SLC38A1: variants seen among roughly 807,000 people sequenced by gnomAD.
SLC38A1 encodes the protein solute carrier family 38 member 1.
Under a neutral mutation model 60.3 loss-of-function variants are expected in SLC38A1, and 18 were observed. That is an observed-to-expected ratio of 0.30 (90% CI 0.21 to 0.44). The LOEUF is 0.44. Ranked by LOEUF, SLC38A1 falls within the 20% of genes least tolerant of loss-of-function variation. The probability of loss-of-function intolerance (pLI) is 1.00; values close to 1 mark genes in which losing one functional copy is unlikely to be tolerated. For missense variants in SLC38A1, 448 were observed against 587.2 expected (o/e 0.76, Z 2.45); for synonymous variants, 196 against 212.1 (o/e 0.92, Z 0.66).
intron 2 of SLC38A1, among the ~76,000 whole-genome samples, chr12:46,241,158 T>TA (rs1041713352): frequency 2.2e-4 from 33 of 152,176 alleles, no homozygotes; most frequent in East Asian, 1.7e-3. Context: ...TGGTTTTTTT[T>TA]AAAAAAAATG....
intron 1 of SLC38A1, among the ~76,000 whole-genome samples, chr12:46,260,980 A>G (rs1488589937): frequency 6.6e-6 from 1 of 152,188 alleles, no homozygotes; most frequent in African/African-American, 2.4e-5. Flanking sequence ...TCTAATCTCT[A>G]GAACCTCAGA....
intron 5 of SLC38A1, among the ~76,000 whole-genome samples, chr12:46,214,887 T>G (rs1295273129): frequency 6.6e-6 from 1 of 152,196 alleles, no homozygotes; most frequent in East Asian, 1.9e-4. Flanking sequence ...GGGGCTGCCT[T>G]GCAGCTGAGT....
chr12:46,213,282 G>A (rs544200699), intron 5 of SLC38A1, among the ~76,000 whole-genome samples: 18 of 152,204 alleles, frequency 1.2e-4, no homozygotes, highest in Non-Finnish European at 1.6e-4. Flanking sequence ...AGCTTCTGGT[G>A]TGAATGCTAC....
chr12:46,188,747 G>GAA lies in SLC38A1; in HGVS notation c.*221_*222dup. On this transcript the variant is annotated 3_prime_UTR_variant, in exon 17 of 17. Coordinates refer to ENST00000398637, the MANE Select transcript of SLC38A1 (RefSeq NM_030674.4). The stretch of plus-strand genomic sequence containing the variant: ...TGGGAAATATGATTGTATGAAATTT[G>GAA]AAAAAAAAATTTCACAATCCCTAAA... 1 of 404,694 alleles carries GAA rather than the reference G, an allele frequency of 2.5e-6. No homozygotes were observed. Among genetic ancestry groups the GAA allele is most frequent in the Non-Finnish European group, 4.5e-6 (1 of 223,390 alleles). The allele number at this position is 404,694 out of a possible 1,614,324, so 25.1% of individuals were successfully genotyped here.
At chr12:46,255,857 A>C (rs1489027997) in intron 1 of SLC38A1, among the ~76,000 whole-genome samples, 1 of 152,092 alleles carries the variant, frequency 6.6e-6, no homozygotes, top group Admixed American at 6.6e-5. Context: ...AAGTAGGTAA[A>C]CTGAACAATT....
chr12:46,227,017 A>T (rs1940892921), intron 5 of SLC38A1, among the ~76,000 whole-genome samples: 1 of 151,986 alleles, frequency 6.6e-6, no homozygotes, highest in Admixed American at 6.6e-5. Context: ...AAACTGCAGG[A>T]TACTGGGAAC....
At chr12:46,247,062 C>A (rs911869087) in intron 1 of SLC38A1, among the ~76,000 whole-genome samples, 16 of 152,120 alleles carry the variant, frequency 1.1e-4, no homozygotes, top group African/African-American at 3.9e-4. Flanking sequence ...TAGATAAAAC[C>A]ACAAAGATGG....
At chr12:46,195,778 C>T (rs936519753) in intron 16 of SLC38A1, 2 of 218,286 alleles carry the variant, frequency 9.2e-6, no homozygotes, top group Non-Finnish European at 9.5e-6. Flanking sequence ...AGGGTATTAC[C>T]TGGTCTGCCA....
At chr12:46,222,240 T>C (rs902823978) in intron 5 of SLC38A1, among the ~76,000 whole-genome samples, 4 of 152,064 alleles carry the variant, frequency 2.6e-5, no homozygotes, top group African/African-American at 9.7e-5. Context: ...TTTTTTCAAC[T>C]AGCTTTTTTT....
At chr12:46,191,839 G>A (rs796873803) in intron 16 of SLC38A1, among the ~76,000 whole-genome samples, 5 of 152,302 alleles carry the variant, frequency 3.3e-5, no homozygotes, top group African/African-American at 1.2e-4. Flanking sequence ...CTGAGACAAT[G>A]GGGTTTTCTA....
chr12:46,236,050 T>C lies in SLC38A1; in HGVS notation c.122+3629A>G, dbSNP rs574770259. ...AGAAAGGGGACTGCATTTTTACCGATAGACTTTTCTCATACTAAGAGGCTT... is the reference window on the plus strand; with the variant it reads ...AGAAAGGGGACTGCATTTTTACCGACAGACTTTTCTCATACTAAGAGGCTT... On this transcript the variant is annotated intron_variant, in intron 3 of 16. Transcript: ENST00000398637. Among the ~76,000 whole-genome samples the C allele has an allele frequency of 9.2e-5, 14 of 152,344 alleles. No homozygotes were observed. In the East Asian group the frequency reaches 9.6e-4, roughly 10 times the overall value.
intron 1 of SLC38A1, among the ~76,000 whole-genome samples, chr12:46,256,612 C>T (rs949636512): frequency 2.3e-5 from 2 of 86,488 alleles, no homozygotes; most frequent in Admixed American, 1.0e-4. Context: ...CGCGCGCGCG[C>T]GCACACACAC....
chr12:46,260,264 C>T (rs1012966934), intron 1 of SLC38A1, among the ~76,000 whole-genome samples: 8 of 152,192 alleles, frequency 5.3e-5, no homozygotes, highest in African/African-American at 1.9e-4. Flanking sequence ...CTTTGGGCCT[C>T]GACTCTTCTT....
chr12:46,252,662 T>TA (rs1941891742), intron 1 of SLC38A1, among the ~76,000 whole-genome samples: 1 of 151,890 alleles, frequency 6.6e-6, no homozygotes, highest in South Asian at 2.1e-4. Context: ...GTTCACCTGT[T>TA]ATCTCAGCAA....
In SLC38A1 at chr12:46,198,072, G is replaced by A. The variant is rs1472709346; in HGVS notation, c.1123-12C>T. On this transcript the variant is annotated splice_polypyrimidine_tract_variant and intron_variant, in intron 14 of 16. Transcript: ENST00000398637. ...AAAGATGAACGAACCTGCAAGAAAAGAAAACAAAGATTCTGTAAGTGCCTA... is the reference window on the plus strand; with the variant it reads ...AAAGATGAACGAACCTGCAAGAAAAAAAAACAAAGATTCTGTAAGTGCCTA... 2 of 1,612,286 alleles carry A rather than the reference G, an allele frequency of 1.2e-6. No homozygotes were observed. The highest frequency in any genetic ancestry group is 8.5e-7 in the Non-Finnish European group (1 of 1,179,446).
rs1938922692 is a variant in SLC38A1, at chr12:46,185,896, C to A, written c.*3074G>T. Reference sequence around the variant, plus strand: ...CTGTAGTCTGGTGGCATCTCTACCCCTACTGTCCAGTAGGTGGGATGTGGC... The same window carrying A: ...CTGTAGTCTGGTGGCATCTCTACCCATACTGTCCAGTAGGTGGGATGTGGC... On this transcript the variant is annotated 3_prime_UTR_variant, in exon 17 of 17. Transcript: ENST00000398637. 1 of 152,174 alleles carries A rather than the reference C, an allele frequency of 6.6e-6. No homozygotes were observed. Among genetic ancestry groups the A allele is most frequent in the Non-Finnish European group, 1.5e-5 (1 of 68,056 alleles). The allele number at this position is 152,174 out of a possible 1,614,324, so 9.4% of individuals were successfully genotyped here.
chr12:46,206,617 T>G lies in SLC38A1; in HGVS notation c.564-455A>C, dbSNP rs114058941. 7.9e-3 allele frequency among the ~76,000 whole-genome samples: 1,203 copies of G among 152,302 alleles called. 17 individuals are homozygous for G. The highest frequency in any genetic ancestry group is 0.027 in the African/African-American group (1,143 of 41,576). On this transcript the variant is annotated intron_variant, in intron 8 of 16. Coordinates refer to ENST00000398637, the MANE Select transcript of SLC38A1 (RefSeq NM_030674.4). ...CTTGAATCCTGAGAACACTAGAGAC[T>G]CTGGCTTCTACGATTCTCCCTTGAA...
chr12:46,261,281 G>T (rs1942188786), intron 1 of SLC38A1, among the ~76,000 whole-genome samples: 1 of 152,184 alleles, frequency 6.6e-6, no homozygotes, highest in Non-Finnish European at 1.5e-5. Context: ...GGACATAATT[G>T]TTCCAGTTGA....
At chr12:46,206,257 T>C (rs1939895306) in intron 8 of SLC38A1, 95 bp from the exon 9 acceptor site, 1 of 632,690 alleles carries the variant, frequency 1.6e-6, no homozygotes, top group South Asian at 2.5e-5. Context: ...TATATATTTT[T>C]ATTAATTTTT....
Sources: allele counts gnomAD v4.1 joint callset (sites outside exome capture counted in the v4.1 genomes callset), GRCh38; gene constraint gnomAD v4.1.1; transcripts MANE v1.5; gene names NCBI Gene and HGNC (gene_info 2026-07-23, HGNC 2026-07-21).